Variants in PIK3C2A observed in about 807,000 individuals in gnomAD.
The protein encoded by PIK3C2A is phosphatidylinositol 4-phosphate 3-kinase C2 domain-containing subunit alpha.
Under a neutral mutation model 204.5 loss-of-function variants are expected in PIK3C2A, and 97 were observed. That is an observed-to-expected ratio of 0.47 (90% CI 0.40 to 0.56). PIK3C2A has a LOEUF of 0.56. PIK3C2A is among the 20% of genes least tolerant of loss of function. The pLI is 0.00. For missense variants in PIK3C2A, 1,735 were observed against 1,969.2 expected, an observed-to-expected ratio of 0.88 and a Z score of 2.25; for synonymous variants, 653 against 664.4, an observed-to-expected ratio of 0.98 and a Z score of 0.26.
intron 1 of PIK3C2A, among the ~76,000 whole-genome samples, chr11:17,203,975 G>A (rs1467769518): frequency 6.6e-6 from 1 of 152,152 alleles, no homozygotes; most frequent in African/African-American, 2.4e-5. Flanking sequence ...TCGGGAGGCT[G>A]AGGCAGGAGA....
intron 21 of PIK3C2A, among the ~76,000 whole-genome samples, chr11:17,111,902 TTC>T (rs1849015593): frequency 7.8e-6 from 1 of 128,188 alleles, no homozygotes; most frequent in Admixed American, 7.6e-5. Context: ...AAAAAAAAAA[TTC>T]AAAAAAAAAA....
At chr11:17,186,854 C>A (rs1356347479) in intron 1 of PIK3C2A, among the ~76,000 whole-genome samples, 1 of 152,182 alleles carries the variant, frequency 6.6e-6, no homozygotes, top group African/African-American at 2.4e-5. Context: ...GGCGAATGGT[C>A]AGGAATTGAA....
chr11:17,179,912 T>C (rs995204011), intron 1 of PIK3C2A, among the ~76,000 whole-genome samples: 23 of 152,166 alleles, frequency 1.5e-4, no homozygotes, highest in Admixed American at 1.4e-3. Flanking sequence ...CCTGGCTCTA[T>C]ATCAGTGTAA....
intron 1 of PIK3C2A, among the ~76,000 whole-genome samples, chr11:17,184,937 T>C (rs1351307722): frequency 6.6e-6 from 1 of 151,882 alleles, no homozygotes; most frequent in Non-Finnish European, 1.5e-5. Context: ...TGAGACTGTC[T>C]AAAAAAGATT....
In PIK3C2A at chr11:17,122,243, C is replaced by G. The variant is rs1849389067; in HGVS notation, c.2602G>C (p.Glu868Gln). 4 of 1,537,742 alleles carry G rather than the reference C, an allele frequency of 2.6e-6. No individual in the cohort carries two copies. The highest frequency in any genetic ancestry group is 2.7e-6 in the Non-Finnish European group (3 of 1,112,546). ...AGAAGTTTCCCTTTTATATCATTCT[C>G]TAGTGTTTCTAAGTTATGTTGCTGT... The part of the protein sequence containing the change: ...IIQQHNLETL[E>Q]NDIKGKLLDI... The change falls in exon 15 of 33, where the codon GAG (glutamate) becomes CAG (glutamine). Residue 868 changes from glutamate (E) to glutamine (Q), a missense_variant. This residue lies in a region of PIK3C2A where 567 missense variants were observed against 576.0 expected (regional missense o/e 0.98). Coordinates refer to ENST00000691414, the MANE Select transcript of PIK3C2A (RefSeq NM_002645.4).
chr11:17,125,815 A>G (rs1269564001), intron 13 of PIK3C2A, among the ~76,000 whole-genome samples: 1 of 152,072 alleles, frequency 6.6e-6, no homozygotes, highest in Admixed American at 6.6e-5. Flanking sequence ...AAGATTTTCT[A>G]TAAAAAAAAC....
At chr11:17,160,651 C>T (rs894906708) in intron 2 of PIK3C2A, among the ~76,000 whole-genome samples, 2 of 152,064 alleles carry the variant, frequency 1.3e-5, no homozygotes, top group African/African-American at 4.8e-5. Context: ...TAGTGAAACC[C>T]CATCTCTACA....
intron 2 of PIK3C2A, among the ~76,000 whole-genome samples, chr11:17,159,532 T>C (rs954273527): frequency 1.3e-5 from 2 of 152,200 alleles, no homozygotes; most frequent in African/African-American, 4.8e-5. Context: ...TTAGTGATCA[T>C]CCAATTTCTG....
Position 17,089,691 on chromosome 11 carries a change from G to A in PIK3C2A, c.*47C>T. 3 of 1,236,398 alleles carry A rather than the reference G, an allele frequency of 2.4e-6. No homozygotes were observed. Among genetic ancestry groups the A allele is most frequent in the African/African-American group, 3.0e-5 (2 of 67,250 alleles). 76.6% of individuals were successfully genotyped at this position (1,236,398 alleles called of 1,614,324 possible). On this transcript the variant is annotated 3_prime_UTR_variant, in exon 33 of 33. Transcript: ENST00000691414. The stretch of plus-strand genomic sequence containing the variant: ...TCTGTGTGTGTGTGCATGTATGCAT[G>A]CACGTTTATAACTGTTCATGCTTCC...
chr11:17,176,459 T>A (rs1434495694), intron 1 of PIK3C2A, among the ~76,000 whole-genome samples: 1 of 150,460 alleles, frequency 6.6e-6, no homozygotes, highest in Non-Finnish European at 1.5e-5. Flanking sequence ...TGTAAATAAA[T>A]AAATATATAA....
At chr11:17,181,121 C>T (rs562258906) in intron 1 of PIK3C2A, among the ~76,000 whole-genome samples, 1 of 152,258 alleles carries the variant, frequency 6.6e-6, no homozygotes, top group South Asian at 2.1e-4. Flanking sequence ...GACACTATCT[C>T]CCGGCACCTC....
chr11:17,113,750 C>A (rs1189076112), intron 20 of PIK3C2A, among the ~76,000 whole-genome samples: 3 of 147,998 alleles, frequency 2.0e-5, no homozygotes, highest in Admixed American at 6.8e-5. Flanking sequence ...CCATTGCATT[C>A]CAGCCTGAGT....
intron 20 of PIK3C2A, among the ~76,000 whole-genome samples, chr11:17,113,677 G>A (rs577280522): frequency 3.3e-5 from 5 of 151,166 alleles, no homozygotes; most frequent in African/African-American, 2.4e-5. Context: ...GGCTACTTGG[G>A]AGGCTGAGGC....
chr11:17,101,262 T>C lies in PIK3C2A; in HGVS notation c.4008+16A>G. 1.4e-6 allele frequency: 2 copies of C among 1,416,024 alleles called. No homozygotes were observed. The highest frequency in any genetic ancestry group is 1.9e-6 in the Non-Finnish European group (2 of 1,041,518). 87.7% of individuals were successfully genotyped at this position (1,416,024 alleles called of 1,614,324 possible). Reference sequence around the variant, plus strand: ...ATTAATATAAAACTAATTAAGTGCTTATAAAGAATAGTTACCAGTGAAAGG... The same window carrying C: ...ATTAATATAAAACTAATTAAGTGCTCATAAAGAATAGTTACCAGTGAAAGG... On this transcript the variant is annotated intron_variant, in intron 25 of 32. Transcript: ENST00000691414.
rs766289626 is a variant in PIK3C2A at position 17,112,716 on chromosome 11, A to C, written c.3322-50T>G. On this transcript the variant is annotated intron_variant, in intron 20 of 32. Coordinates refer to ENST00000691414, the MANE Select transcript of PIK3C2A (RefSeq NM_002645.4). Reference sequence around the variant, plus strand: ...TAGAAAGATAAATGAAAATGGATTTAGAATTTTTTTTTGTCCTACGCATTT... The same window carrying C: ...TAGAAAGATAAATGAAAATGGATTTCGAATTTTTTTTTGTCCTACGCATTT... 5.1e-6 allele frequency: 5 copies of C among 979,762 alleles called. No homozygotes were observed. The Admixed American group carries it at 1.3e-4, about 26-fold the overall frequency. 60.7% of individuals were successfully genotyped at this position (979,762 alleles called of 1,614,324 possible). A position where few individuals can be genotyped will look rare whatever the true frequency, so the allele number is the denominator to read the frequency against.
chr11:17,122,145 T>G, intron 15 of PIK3C2A, 43 bp downstream of exon 15: 1 of 1,297,440 alleles, frequency 7.7e-7, no homozygotes, highest in Non-Finnish European at 1.1e-6. Context: ...GACTTTTACA[T>G]TACAGGAGAT....
intron 20 of PIK3C2A, among the ~76,000 whole-genome samples, chr11:17,113,978 G>C (rs982812099): frequency 6.6e-6 from 1 of 151,934 alleles, no homozygotes; most frequent in African/African-American, 2.4e-5. Context: ...TACTCAGGAG[G>C]ATGAGGCAGG....
chr11:17,122,450 T>G, intron 14 of PIK3C2A, 117 bp from the exon 15 acceptor site: 1 of 683,566 alleles, frequency 1.5e-6, no homozygotes, highest in Non-Finnish European at 2.5e-6. Flanking sequence ...CATTGAATAT[T>G]AAATTAATGC....
intron 1 of PIK3C2A, among the ~76,000 whole-genome samples, chr11:17,177,028 G>A (rs188665514): frequency 5.9e-4 from 90 of 152,254 alleles, no homozygotes; most frequent in African/African-American, 2.1e-3. Context: ...TACAAGTTAT[G>A]TAATCTGCTC....
Sources: allele counts gnomAD v4.1 joint callset (sites outside exome capture counted in the v4.1 genomes callset), GRCh38; gene constraint gnomAD v4.1.1; regional missense constraint gnomAD v4.1.1; transcripts MANE v1.5; gene names NCBI Gene and HGNC (gene_info 2026-07-23, HGNC 2026-07-21).